The following NAV3 variants were observed in gnomAD, a reference collection of about 807,000 sequenced individuals.
The protein encoded by NAV3 is pore membrane and/or filament interacting like protein 1.
In NAV3, 87 loss-of-function variants were observed where a neutral mutation model predicts 244.7. That is an observed-to-expected ratio of 0.36 (90% CI 0.30 to 0.42). The LOEUF is 0.42. NAV3 is among the 20% of genes least tolerant of loss of function. The pLI, the probability that NAV3 is intolerant of heterozygous loss-of-function variation, is 1.00. For synonymous variants in NAV3, 1,126 were observed against 1,042.2 expected (o/e 1.08, Z -1.55); for missense variants, 2,663 against 2,893.3 (o/e 0.92, Z 1.83).
chr12:77,946,503 G>A (rs183537007), intron 3 of NAV3, among the ~76,000 whole-genome samples: 3 of 152,064 alleles, frequency 2.0e-5, no homozygotes, highest in Admixed American at 2.0e-4. Flanking sequence ...ATGAGCTTGA[G>A]ACTAAACTGG....
chr12:77,592,611 A>G (rs1869958078), intron 2 of NAV3, among the ~76,000 whole-genome samples: 1 of 152,210 alleles, frequency 6.6e-6, no homozygotes, highest in African/African-American at 2.4e-5. Flanking sequence ...TAATCATATT[A>G]TGTCCTGCAG....
chr12:77,804,331 G>C (rs1049875709), intron 2 of NAV3, among the ~76,000 whole-genome samples: 1 of 152,048 alleles, frequency 6.6e-6, no homozygotes, highest in Admixed American at 6.6e-5. Flanking sequence ...TGTATAAGGT[G>C]TAAGTTTATA....
At position 77,727,117 on chromosome 12, in the gene NAV3, G is replaced by A. The variant is rs75985665; in HGVS notation, c.72+154851G>A. Among the ~76,000 whole-genome samples, 438 of 152,052 alleles carry A rather than the reference G, an allele frequency of 2.9e-3. 1 individual carries two copies. The highest frequency in any genetic ancestry group is 0.01 in the African/African-American group (417 of 41,506). ...ATCCACAGATTTGTCGATAGAGATGGTCAGGATGGTAGGAGCCACTGAAAG... is the reference window on the plus strand; with the variant it reads ...ATCCACAGATTTGTCGATAGAGATGATCAGGATGGTAGGAGCCACTGAAAG... On this transcript the variant is annotated intron_variant, in intron 2 of 8. Transcript: ENST00000550042.
In NAV3 at chr12:78,210,575, G is replaced by A. The variant is rs903206888; in HGVS notation, c.*58G>A. On this transcript the variant is annotated 3_prime_UTR_variant, in exon 40 of 40. Transcript: ENST00000397909. ...TTTTAAAAAAATGTTTCAAAAGAAA[G>A]GTATTTTCACTAAACCACTGCCAGT... 2.1e-5 allele frequency: 33 copies of A among 1,590,818 alleles called. No homozygotes were observed. In the Admixed American group the frequency reaches 5.3e-4, roughly 26 times the overall value.
chr12:77,622,406 G>A (rs891284978), intron 2 of NAV3, among the ~76,000 whole-genome samples: 9 of 151,726 alleles, frequency 5.9e-5, no homozygotes, highest in African/African-American at 1.5e-4. Flanking sequence ...TGATCTGCCC[G>A]CCTCAGCCTT....
At chr12:78,070,270 C>T (rs1369848368) in intron 12 of NAV3, among the ~76,000 whole-genome samples, 1 of 152,146 alleles carries the variant, frequency 6.6e-6, no homozygotes, top group South Asian at 2.1e-4. Context: ...ATTCCCATAA[C>T]AACCTTCTAG....
intron 2 of NAV3, among the ~76,000 whole-genome samples, chr12:77,819,878 T>A (rs111234857): frequency 0.018 from 2,802 of 152,230 alleles, 37 homozygotes; most frequent in Non-Finnish European, 0.027. Flanking sequence ...GTAAAACCAA[T>A]AAGCAGGGTA....
At chr12:77,921,541 C>G (rs1887710961) in intron 1 of NAV3, among the ~76,000 whole-genome samples, 1 of 152,000 alleles carries the variant, frequency 6.6e-6, no homozygotes, top group Non-Finnish European at 1.5e-5. Context: ...TTGTTAAGAA[C>G]TGCAGTTTGG....
In NAV3 at chr12:78,187,470, TGG is replaced by T. The variant is rs1316156292; in HGVS notation, c.5791-777_5791-776del. On this transcript the variant is annotated intron_variant, in intron 31 of 39. Transcript: ENST00000397909. ...TAATCACTATTTCGTTAACCATTTC[TGG>T]TCATCATAATAGAGGCTCTAGCTAG... 2.6e-5 allele frequency among the ~76,000 whole-genome samples: 4 copies of T among 151,952 alleles called. No individual in the cohort carries two copies. The East Asian group carries it at 5.8e-4, about 22-fold the overall frequency.
At chr12:77,753,840 G>A (rs1291007539) in intron 2 of NAV3, among the ~76,000 whole-genome samples, 2 of 152,220 alleles carry the variant, frequency 1.3e-5, no homozygotes, top group South Asian at 2.1e-4. Context: ...CTGAGGAAAG[G>A]ATAAGTTGAA....
At chr12:78,085,952 G>A (rs1358048518) in intron 12 of NAV3, among the ~76,000 whole-genome samples, 1 of 152,076 alleles carries the variant, frequency 6.6e-6, no homozygotes, top group Non-Finnish European at 1.5e-5. Context: ...ATTTGTCAGA[G>A]ACAATGTGTC....
chr12:78,038,287 T>C (rs908940804), intron 9 of NAV3, among the ~76,000 whole-genome samples: 1 of 152,248 alleles, frequency 6.6e-6, no homozygotes, highest in African/African-American at 2.4e-5. Context: ...TTCCTGGCCA[T>C]ATCATATTTT....
At chr12:77,869,705 T>C (rs575050004) in intron 1 of NAV3, among the ~76,000 whole-genome samples, 1 of 152,342 alleles carries the variant, frequency 6.6e-6, no homozygotes, top group African/African-American at 2.4e-5. Flanking sequence ...TGCTCACTTG[T>C]AATATCATGT....
Position 77,728,501 on chromosome 12 carries a change from T to C in NAV3, c.72+156235T>C, listed in dbSNP as rs575853986. ...TTTAGTTTACTTCTTCAATATTTAG[T>C]CCACTTCTTCATTTTCTACACTGAG... is the stretch of plus-strand genomic sequence containing the variant. On this transcript the variant is annotated intron_variant, in intron 2 of 8. Coordinates refer to the NAV3 transcript ENST00000550042. 2.0e-5 allele frequency among the ~76,000 whole-genome samples: 3 copies of C among 152,076 alleles called. No individual in the cohort carries two copies. The South Asian group carries it at 6.2e-4, about 32-fold the overall frequency.
chr12:77,581,602 C>T (rs1158751404), intron 2 of NAV3, among the ~76,000 whole-genome samples: 1 of 152,164 alleles, frequency 6.6e-6, no homozygotes, highest in Non-Finnish European at 1.5e-5. Context: ...GACATTTCTA[C>T]ATATTAGCTT....
At chr12:77,793,749 G>T (rs1871286772) in intron 2 of NAV3, among the ~76,000 whole-genome samples, 1 of 152,202 alleles carries the variant, frequency 6.6e-6, no homozygotes, top group African/African-American at 2.4e-5. Context: ...TTGGTTCCAA[G>T]TATTTGCTAT....
intron 10 of NAV3, 131 bp from the exon 11 acceptor site, chr12:78,050,633 A>T (rs1290117527): frequency 8.6e-6 from 8 of 929,330 alleles, no homozygotes. Flanking sequence ...ATGAATATAG[A>T]GTTTAGCTTT....
At chr12:77,984,183 T>C (rs78956961) in intron 5 of NAV3, among the ~76,000 whole-genome samples, 8,498 of 152,248 alleles carry the variant, frequency 0.056, 315 homozygotes, top group Middle Eastern at 0.086. Context: ...ATAATATCCA[T>C]AAAATTTTGA....
intron 11 of NAV3, among the ~76,000 whole-genome samples, chr12:78,055,839 G>A (rs1240881844): frequency 2.0e-5 from 3 of 152,176 alleles, no homozygotes; most frequent in South Asian, 2.1e-4. Context: ...CAGGAGGAGA[G>A]GGAAATTGGT....
Sources: allele counts gnomAD v4.1 joint callset (sites outside exome capture counted in the v4.1 genomes callset), GRCh38; gene constraint gnomAD v4.1.1; transcripts MANE v1.5; gene names NCBI Gene and HGNC (gene_info 2026-07-23, HGNC 2026-07-21).